Variants in HIP1 observed in about 807,000 individuals in gnomAD.
HIP1 encodes the protein huntingtin interacting protein 1, also known as huntingtin-interacting protein 1.
HIP1 carries 65 observed loss-of-function variants against 147.6 expected under a neutral mutation model. The ratio of observed to expected loss-of-function variants is 0.44; its 90% CI spans 0.36 to 0.54. The LOEUF (loss-of-function observed/expected upper bound fraction) is 0.54, where lower values mean the gene tolerates loss of function less well. Ranked by LOEUF, HIP1 falls within the 20% of genes least tolerant of loss-of-function variation. The probability of loss-of-function intolerance (pLI) is 0.00; values close to 1 mark genes in which losing one functional copy is unlikely to be tolerated. For missense variants in HIP1, 1,061 were observed against 1,299.6 expected, an observed-to-expected ratio of 0.82 and a Z score of 2.82; for synonymous variants, 479 against 504.0, an observed-to-expected ratio of 0.95 and a Z score of 0.67.
intron 22 of HIP1, among the ~76,000 whole-genome samples, chr7:75,549,534 C>A (rs2116774399): frequency 6.6e-6 from 1 of 151,762 alleles, no homozygotes; most frequent in Non-Finnish European, 1.5e-5. Context: ...CCATGCCCAG[C>A]TAATTTTTAT....
At chr7:75,606,027 T>A (rs1388928596) in intron 1 of HIP1, among the ~76,000 whole-genome samples, 2 of 152,068 alleles carry the variant, frequency 1.3e-5, no homozygotes, top group Non-Finnish European at 2.9e-5. Context: ...TTGGTTTTTT[T>A]AAATAGAGAC....
At chr7:75,686,396 T>G (rs1172258684) in intron 1 of HIP1, among the ~76,000 whole-genome samples, 1 of 152,212 alleles carries the variant, frequency 6.6e-6, no homozygotes, top group Non-Finnish European at 1.5e-5. Context: ...ACACTCGGAA[T>G]TTATTTGTAG....
At chr7:75,636,222 G>C (rs1487504522) in intron 1 of HIP1, among the ~76,000 whole-genome samples, 1 of 151,422 alleles carries the variant, frequency 6.6e-6, no homozygotes, top group Non-Finnish European at 1.5e-5. Context: ...CTGGGGGCGC[G>C]CGCCTGTAGT....
At chr7:75,699,830 T>C (rs1463707670) in intron 1 of HIP1, among the ~76,000 whole-genome samples, 1 of 151,708 alleles carries the variant, frequency 6.6e-6, no homozygotes, top group African/African-American at 2.4e-5. Context: ...CCACAAGCTG[T>C]GCAGCCACGG....
intron 1 of HIP1, among the ~76,000 whole-genome samples, chr7:75,735,745 C>T (rs1802001464): frequency 6.6e-6 from 1 of 151,174 alleles, no homozygotes; most frequent in Middle Eastern, 3.2e-3. Flanking sequence ...GGCCGGAATG[C>T]AGTGGCACAA....
intron 7 of HIP1, among the ~76,000 whole-genome samples, chr7:75,577,750 A>G (rs587619567): frequency 6.6e-6 from 1 of 152,352 alleles, no homozygotes; most frequent in African/African-American, 2.4e-5. Context: ...CTATAATCCA[A>G]GCACCTTGGG....
chr7:75,650,670 T>C (rs1179601), intron 1 of HIP1, among the ~76,000 whole-genome samples: 57,881 of 151,786 alleles, frequency 0.38, 11,194 homozygotes, highest in Middle Eastern at 0.49. Context: ...CCAGACTGGT[T>C]TCAAACTCCT....
rs1307852310 is a variant in HIP1 at position 75,537,216 on chromosome 7, T to C, written c.*956A>G. 24 of 233,018 alleles carry C rather than the reference T, an allele frequency of 1.0e-4. No homozygotes were observed. The highest frequency in any genetic ancestry group is 4.4e-4 in the African/African-American group (20 of 45,420). 14.4% of individuals were successfully genotyped at this position (233,018 alleles called of 1,614,324 possible). A position where few individuals can be genotyped will look rare whatever the true frequency, so the allele number is the denominator to read the frequency against. The stretch of plus-strand genomic sequence containing the variant: ...GGGAACTGGGCTGTGTGAACCCTCT[T>C]GTCCCTCTTTCTGTTGTCTTCTCCC... On this transcript the variant is annotated 3_prime_UTR_variant, in exon 31 of 31. Coordinates refer to ENST00000336926, the MANE Select transcript of HIP1 (RefSeq NM_005338.7).
chr7:75,698,516 A>T (rs1800708757), intron 1 of HIP1, among the ~76,000 whole-genome samples: 1 of 152,174 alleles, frequency 6.6e-6, no homozygotes, highest in African/African-American at 2.4e-5. Context: ...AAGCTGATGT[A>T]AAAATACTGC....
chr7:75,538,471 GACA>G (rs1336003794), intron 30 of HIP1, among the ~76,000 whole-genome samples: 1 of 151,744 alleles, frequency 6.6e-6, no homozygotes, highest in African/African-American at 2.4e-5. Context: ...TCGACATGCA[GACA>G]ACAACATATA....
intron 1 of HIP1, among the ~76,000 whole-genome samples, chr7:75,685,891 C>CT (rs1171000967): frequency 6.6e-6 from 1 of 151,692 alleles, no homozygotes; most frequent in Admixed American, 6.6e-5. Flanking sequence ...TGCCTGTGGC[C>CT]TTTTTTTGTT....
chr7:75,553,409 C>T, intron 22 of HIP1, 44 bp downstream of exon 22: 1 of 1,602,582 alleles, frequency 6.2e-7, no homozygotes, highest in African/African-American at 1.3e-5. Context: ...AGCACGCACA[C>T]CCAGAAGAAT....
intron 22 of HIP1, among the ~76,000 whole-genome samples, chr7:75,551,189 ATTTTTTTTTTT>A (rs55679922): frequency 3.5e-4 from 27 of 77,416 alleles, no homozygotes; most frequent in East Asian, 2.3e-3. Flanking sequence ...GTAGATGATA[ATTTTTTTTTTT>A]TTTTTTTTTT....
intron 1 of HIP1, among the ~76,000 whole-genome samples, chr7:75,686,078 TAGAG>T (rs1178493339): frequency 6.6e-6 from 1 of 151,230 alleles, no homozygotes; most frequent in African/African-American, 2.4e-5. Context: ...GTATTTTTAG[TAGAG>T]AGAGTGTTTT....
intron 22 of HIP1, 103 bp downstream of exon 22, chr7:75,553,350 G>A (rs1206600145): frequency 7.3e-7 from 1 of 1,366,314 alleles, no homozygotes; most frequent in African/African-American, 1.4e-5. Context: ...CAAGTTCTAA[G>A]TGCAGAAAGA....
At chr7:75,725,777 A>G (rs1192506034) in intron 1 of HIP1, among the ~76,000 whole-genome samples, 1 of 151,198 alleles carries the variant, frequency 6.6e-6, no homozygotes, top group Non-Finnish European at 1.5e-5. Context: ...ATTATAAAAT[A>G]TGATTATGAA....
chr7:75,592,211 G>C, intron 3 of HIP1, 99 bp from the exon 4 acceptor site: 1 of 1,395,772 alleles, frequency 7.2e-7, no homozygotes, highest in Non-Finnish European at 1.0e-6. Context: ...AGGGCAGGGG[G>C]ACAGGCTGAT....
At chr7:75,733,278 G>A (rs1236550333) in intron 1 of HIP1, among the ~76,000 whole-genome samples, 3 of 152,008 alleles carry the variant, frequency 2.0e-5, no homozygotes, top group African/African-American at 4.8e-5. Flanking sequence ...TTTGAGTCAC[G>A]ATGTCCTCAT....
At chr7:75,656,005 A>G (rs1799128955) in intron 1 of HIP1, among the ~76,000 whole-genome samples, 1 of 151,948 alleles carries the variant, frequency 6.6e-6, no homozygotes, top group African/African-American at 2.4e-5. Context: ...TGTGGTCCCA[A>G]CTACTCGGGA....
Sources: allele counts gnomAD v4.1 joint callset (sites outside exome capture counted in the v4.1 genomes callset), GRCh38; gene constraint gnomAD v4.1.1; transcripts MANE v1.5; gene names NCBI Gene and HGNC (gene_info 2026-07-23, HGNC 2026-07-21).